Variants in TIFAB observed in about 807,000 individuals in gnomAD.
TIFAB encodes the protein TIFA inhibitor.
For synonymous variants in TIFAB, 116 were observed against 95.2 expected, an observed-to-expected ratio of 1.22 and a Z score of -1.27; for missense variants, 222 against 203.6, an observed-to-expected ratio of 1.09 and a Z score of -0.55.
Position 135,446,894 on chromosome 5 carries a change from C to T in TIFAB, c.*2560G>A, listed in dbSNP as rs759221774. 6.2e-7 allele frequency: 1 copy of T among 1,613,496 alleles called. No homozygotes were observed. Among genetic ancestry groups the T allele is most frequent in the South Asian group, 1.1e-5 (1 of 91,002 alleles). On this transcript the variant is annotated 3_prime_UTR_variant, in exon 2 of 2. Transcript: ENST00000537858. ...GACCCCAGCTGGCAAGGTTTTGTTC[C>T]TCCCTGGAGGGTAGAGACCCTCACT...
Position 135,448,496 on chromosome 5 carries a change from C to G in TIFAB, c.*958G>C, listed in dbSNP as rs1301473296. On this transcript the variant is annotated 3_prime_UTR_variant, in exon 2 of 2. Coordinates refer to ENST00000537858, the MANE Select transcript of TIFAB (RefSeq NM_001099221.2). ...TTATTTGGAAGGAATTCCCCCACCCCCATTGGTGTGTGACTCACCCTGAGC... is the reference window on the plus strand; with the variant it reads ...TTATTTGGAAGGAATTCCCCCACCCGCATTGGTGTGTGACTCACCCTGAGC... 1 of 151,952 alleles carries G rather than the reference C, an allele frequency of 6.6e-6. No individual in the cohort carries two copies. The highest frequency in any genetic ancestry group is 2.1e-4 in the South Asian group (1 of 4,806). The allele number at this position is 151,952 out of a possible 1,614,324, so 9.4% of individuals were successfully genotyped here. A position where few individuals can be genotyped will look rare whatever the true frequency, so the allele number is the denominator to read the frequency against.
In TIFAB at chr5:135,449,904, C is replaced by T. The variant is rs765885740; in HGVS notation, c.36G>A (p.Leu12=). 6.5e-7 allele frequency: 1 copy of T among 1,533,192 alleles called. No homozygotes were observed. Among genetic ancestry groups the T allele is most frequent in the Admixed American group, 2.1e-5 (1 of 47,978 alleles). The allele number at this position is 1,533,192 out of a possible 1,614,324, so 95.0% of individuals were successfully genotyped here. A position where few individuals can be genotyped will look rare whatever the true frequency, so the allele number is the denominator to read the frequency against. The change falls in exon 2 of 2, where the codon CTG becomes CTA. Residue 12 remains leucine, a synonymous_variant. Transcript: ENST00000537858. ...CAGATGGGCCCAGCGTGGGATGGTA[C>T]AGGCTCACTCGCAGGACGGTGAGGG... ...EKPLTVLRVS[L]YHPTLGPSAF...
chr5:135,446,558 C>A lies in TIFAB; in HGVS notation c.*2896G>T. 1 of 1,613,900 alleles carries A rather than the reference C, an allele frequency of 6.2e-7. No individual in the cohort carries two copies. The highest frequency in any genetic ancestry group is 8.5e-7 in the Non-Finnish European group (1 of 1,179,876). On this transcript the variant is annotated 3_prime_UTR_variant, in exon 2 of 2. Coordinates refer to ENST00000537858, the MANE Select transcript of TIFAB (RefSeq NM_001099221.2). The stretch of plus-strand genomic sequence containing the variant: ...GTTAGGAGAAAGTGAAGGTGGGTGC[C>A]ATGGATCTGATGATTTCAGTGATTT...
Position 135,449,627 on chromosome 5 carries a change from C to A in TIFAB, c.313G>T (p.Val105Phe). 6.2e-7 allele frequency: 1 copy of A among 1,614,172 alleles called. No individual in the cohort carries two copies. The highest frequency in any genetic ancestry group is 8.5e-7 in the Non-Finnish European group (1 of 1,180,026). ...AGCATCTGGATGCCTGAGAAGGAGA[C>A]CCTGTTGACGGTGCTCAGGGGGACC... is the stretch of plus-strand genomic sequence containing the variant. ...EQVPLSTVNR[V>F]SFSGIQMLVR... The change falls in exon 2 of 2, where the codon GTC becomes TTC. Residue 105 changes from valine (V) to phenylalanine (F), a missense_variant. Val to Phe is a conservative substitution (Grantham distance 50). Coordinates refer to ENST00000537858, the MANE Select transcript of TIFAB (RefSeq NM_001099221.2).
Position 135,447,189 on chromosome 5 carries a change from C to A in TIFAB, c.*2265G>T. On this transcript the variant is annotated 3_prime_UTR_variant, in exon 2 of 2. Transcript: ENST00000537858. ...AATACATGTGGCTTCTTCTCCTTGC[C>A]AGCCCTACCAGGGCATCTCCCATTA... 1 of 1,564,442 alleles carries A rather than the reference C, an allele frequency of 6.4e-7. No individual in the cohort carries two copies.
Position 135,449,157 on chromosome 5 carries a change from C to T in TIFAB, c.*297G>A. The T allele has an allele frequency of 2.2e-6, 1 of 451,688 alleles. No homozygotes were observed. Among genetic ancestry groups the T allele is most frequent in the Non-Finnish European group, 4.1e-6 (1 of 245,240 alleles). 28.0% of individuals were successfully genotyped at this position (451,688 alleles called of 1,614,324 possible). On this transcript the variant is annotated 3_prime_UTR_variant, in exon 2 of 2. Coordinates refer to ENST00000537858, the MANE Select transcript of TIFAB (RefSeq NM_001099221.2). ...ATGATGTTCCCATTACATTGCATAG[C>T]TCTGGCCACAGAGGGTGCTTCTCCC...
Position 135,449,364 on chromosome 5 carries a change from G to C in TIFAB, c.*90C>G. ...CTGTCTGGGGGTTCCCTCTGGAGCTGTATTTCTGTTCCTCCTCCAGGTCTT... is the reference window on the plus strand; with the variant it reads ...CTGTCTGGGGGTTCCCTCTGGAGCTCTATTTCTGTTCCTCCTCCAGGTCTT... On this transcript the variant is annotated 3_prime_UTR_variant, in exon 2 of 2. Transcript: ENST00000537858. 1 of 1,545,098 alleles carries C rather than the reference G, an allele frequency of 6.5e-7. No homozygotes were observed. Among genetic ancestry groups the C allele is most frequent in the Non-Finnish European group, 8.7e-7 (1 of 1,147,070 alleles).
At chr5:135,450,956 A>G (rs1769353329) in intron 1 of TIFAB, among the ~76,000 whole-genome samples, 1 of 152,204 alleles carries the variant, frequency 6.6e-6, no homozygotes, top group Admixed American at 6.5e-5. Flanking sequence ...ACACCTGGCC[A>G]ACCTTACTCT....
chr5:135,450,296 G>C (rs2150033580), intron 1 of TIFAB, among the ~76,000 whole-genome samples: 1 of 152,304 alleles, frequency 6.6e-6, no homozygotes, highest in African/African-American at 2.4e-5. Flanking sequence ...TTCTTGGAAA[G>C]GAAAGGGTAG....
At position 135,448,092 on chromosome 5, in the gene TIFAB, C is replaced by A. The variant is rs984503594; in HGVS notation, c.*1362G>T. ...GGAGAGGAAGCTTCCCACACCAGGG[C>A]AAGCCTGGGTCTTGCCCACCTCTGT... On this transcript the variant is annotated 3_prime_UTR_variant, in exon 2 of 2. Coordinates refer to ENST00000537858, the MANE Select transcript of TIFAB (RefSeq NM_001099221.2). 6.6e-6 allele frequency: 1 copy of A among 152,226 alleles called. No homozygotes were observed. Among genetic ancestry groups the A allele is most frequent in the Non-Finnish European group, 1.5e-5 (1 of 68,056 alleles). 9.4% of individuals were successfully genotyped at this position (152,226 alleles called of 1,614,324 possible). A position where few individuals can be genotyped will look rare whatever the true frequency, so the allele number is the denominator to read the frequency against.
Position 135,448,164 on chromosome 5 carries a change from T to C in TIFAB, c.*1290A>G, listed in dbSNP as rs1424381984. 6.6e-6 allele frequency: 1 copy of C among 152,160 alleles called. No homozygotes were observed. The highest frequency in any genetic ancestry group is 1.5e-5 in the Non-Finnish European group (1 of 68,036). 9.4% of individuals were successfully genotyped at this position (152,160 alleles called of 1,614,324 possible). A position where few individuals can be genotyped will look rare whatever the true frequency, so the allele number is the denominator to read the frequency against. ...CAGGGCCTGTGAGTGAAGTTGGACC[T>C]CCTTGTAGCTTGCCCTGGGTGCAAA... On this transcript the variant is annotated 3_prime_UTR_variant, in exon 2 of 2. Coordinates refer to ENST00000537858, the MANE Select transcript of TIFAB (RefSeq NM_001099221.2).
rs1769321756 is a variant in TIFAB at position 135,449,092 on chromosome 5, A to G, written c.*362T>C. The G allele has an allele frequency of 4.1e-6, 1 of 246,878 alleles. No homozygotes were observed. The highest frequency in any genetic ancestry group is 8.0e-6 in the Non-Finnish European group (1 of 125,432). 15.3% of individuals were successfully genotyped at this position (246,878 alleles called of 1,614,324 possible). ...CAGGGAGAAATGTGTGGAAATGCTG[A>G]GAGAGGCTCCCCAGAACCCCTCAGG... On this transcript the variant is annotated 3_prime_UTR_variant, in exon 2 of 2. Transcript: ENST00000537858.
rs1048479565 is a variant in TIFAB at position 135,444,297 on chromosome 5, A to G, written c.*5157T>C. 3 of 152,214 alleles carry G rather than the reference A, an allele frequency of 2.0e-5. No individual in the cohort carries two copies. Among genetic ancestry groups the G allele is most frequent in the Non-Finnish European group, 2.9e-5 (2 of 68,048 alleles). 9.4% of individuals were successfully genotyped at this position (152,214 alleles called of 1,614,324 possible). On this transcript the variant is annotated 3_prime_UTR_variant, in exon 2 of 2. Coordinates refer to ENST00000537858, the MANE Select transcript of TIFAB (RefSeq NM_001099221.2). Reference sequence around the variant, plus strand: ...AAGAGGAATCACAGCCCTGCAATTCAAATAGGGTTCATTAAATTCGGCATC... The same window carrying G: ...AAGAGGAATCACAGCCCTGCAATTCGAATAGGGTTCATTAAATTCGGCATC...
chr5:135,446,993 C>T lies in TIFAB; in HGVS notation c.*2461G>A, dbSNP rs1769280523. On this transcript the variant is annotated 3_prime_UTR_variant, in exon 2 of 2. Transcript: ENST00000537858. ...CTCTGGTGGAGCTGGGGAGTGGCAC[C>T]CTGGGAACTCTGGGGTTTCCCCACC... is the stretch of plus-strand genomic sequence containing the variant. 1 of 1,613,290 alleles carries T rather than the reference C, an allele frequency of 6.2e-7. No individual in the cohort carries two copies. The highest frequency in any genetic ancestry group is 1.3e-5 in the African/African-American group (1 of 75,050).
In TIFAB at chr5:135,446,990, C is replaced by T. The variant is rs1769280443; in HGVS notation, c.*2464G>A. The T allele has an allele frequency of 3.1e-6, 5 of 1,613,166 alleles. No individual in the cohort carries two copies. Among genetic ancestry groups the T allele is most frequent in the Non-Finnish European group, 4.2e-6 (5 of 1,179,486 alleles). ...GTTCTCTGGTGGAGCTGGGGAGTGG[C>T]ACCCTGGGAACTCTGGGGTTTCCCC... On this transcript the variant is annotated 3_prime_UTR_variant, in exon 2 of 2. Transcript: ENST00000537858.
At position 135,448,484 on chromosome 5, in the gene TIFAB, A is replaced by T. The variant is rs1769311208; in HGVS notation, c.*970T>A. 2.0e-5 allele frequency: 3 copies of T among 151,692 alleles called. No homozygotes were observed. Among genetic ancestry groups the T allele is most frequent in the Admixed American group, 2.0e-4 (3 of 15,212 alleles). The allele number at this position is 151,692 out of a possible 1,614,324, so 9.4% of individuals were successfully genotyped here. ...CTAACGAGTCCCTTATTTGGAAGGA[A>T]TTCCCCCACCCCCATTGGTGTGTGA... On this transcript the variant is annotated 3_prime_UTR_variant, in exon 2 of 2. Transcript: ENST00000537858.
rs1455275385 is a variant in TIFAB at position 135,445,731 on chromosome 5, A to G, written c.*3723T>C. On this transcript the variant is annotated 3_prime_UTR_variant, in exon 2 of 2. Transcript: ENST00000537858. ...CTTCCTCCAGGTTGCATCCAGGACT[A>G]TGCTGTCTAGCGTGTCTGCTGTGAC... 5 of 152,442 alleles carry G rather than the reference A, an allele frequency of 3.3e-5. No homozygotes were observed. Among genetic ancestry groups the G allele is most frequent in the African/African-American group, 1.2e-4 (5 of 41,462 alleles). The allele number at this position is 152,442 out of a possible 1,614,324, so 9.4% of individuals were successfully genotyped here.
Position 135,445,617 on chromosome 5 carries a change from G to A in TIFAB, c.*3837C>T, listed in dbSNP as rs1391492406. The A allele has an allele frequency of 1.3e-5, 2 of 152,354 alleles. No individual in the cohort carries two copies. Among genetic ancestry groups the A allele is most frequent in the East Asian group, 1.9e-4 (1 of 5,184 alleles). 9.4% of individuals were successfully genotyped at this position (152,354 alleles called of 1,614,324 possible). ...TCTGGAAAGGCCACCGGGAACACAA[G>A]AGCCAACAACCCATGGCCTTTGTCT... On this transcript the variant is annotated 3_prime_UTR_variant, in exon 2 of 2. Coordinates refer to ENST00000537858, the MANE Select transcript of TIFAB (RefSeq NM_001099221.2).
Position 135,447,383 on chromosome 5 carries a change from T to C in TIFAB, c.*2071A>G. On this transcript the variant is annotated 3_prime_UTR_variant, in exon 2 of 2. Transcript: ENST00000537858. ...TACTGGGGTGTGAGTCTTCCTTAGC[T>C]CCGTGTGGATGGTGAGCCCTCCTCT... 1 of 512,802 alleles carries C rather than the reference T, an allele frequency of 2.0e-6. No individual in the cohort carries two copies. Among genetic ancestry groups the C allele is most frequent in the Non-Finnish European group, 3.5e-6 (1 of 283,568 alleles). 31.8% of individuals were successfully genotyped at this position (512,802 alleles called of 1,614,324 possible). A position where few individuals can be genotyped will look rare whatever the true frequency, so the allele number is the denominator to read the frequency against.
Sources: gnomAD v4.1 joint callset for allele counts (sites outside exome capture counted in the v4.1 genomes callset) on GRCh38, gnomAD v4.1.1 for gene constraint, MANE v1.5 for transcripts, NCBI Gene and HGNC (gene_info 2026-07-23, HGNC 2026-07-21) for gene names.